The following PKIB variants were observed in gnomAD, a reference collection of about 807,000 sequenced individuals.
PKIB encodes cAMP-dependent protein kinase inhibitor beta.
Under a neutral mutation model 4.5 loss-of-function variants are expected in PKIB, and 2 were observed. That is an observed-to-expected ratio of 0.44 (90% CI 0.18 to 1.39). PKIB has a LOEUF of 1.39. Ranked by LOEUF, PKIB falls within the 40% of genes most tolerant of loss-of-function variation. PKIB has a pLI of 0.27. For missense variants in PKIB, 94 were observed against 92.6 expected, an observed-to-expected ratio of 1.02 and a Z score of -0.06; for synonymous variants, 38 against 36.0, an observed-to-expected ratio of 1.06 and a Z score of -0.20.
chr6:122,473,007 G>A (rs1775349012), intron 1 of PKIB, among the ~76,000 whole-genome samples: 1 of 152,154 alleles, frequency 6.6e-6, no homozygotes, highest in African/African-American at 2.4e-5. Context: ...AGCTACTCGG[G>A]AGGCGAGGCA....
At chr6:122,487,529 A>G (rs140975129) in intron 2 of PKIB, among the ~76,000 whole-genome samples, 2,108 of 152,318 alleles carry the variant, frequency 0.014, 22 homozygotes, top group Non-Finnish European at 0.017. Flanking sequence ...TTATGCTCTT[A>G]TAAAAGAGAC....
chr6:122,662,558 G>A (rs1344662267), intron 2 of PKIB, among the ~76,000 whole-genome samples: 10 of 151,554 alleles, frequency 6.6e-5, no homozygotes, highest in Admixed American at 5.3e-4. Context: ...GACATCAGGC[G>A]ATCCACTTGC....
intron 3 of PKIB, among the ~76,000 whole-genome samples, chr6:122,604,730 T>C (rs1381489443): frequency 6.6e-6 from 1 of 152,224 alleles, no homozygotes; most frequent in Non-Finnish European, 1.5e-5. Flanking sequence ...TTTACTCAGA[T>C]TACACAGCCT....
chr6:122,587,534 A>G (rs1773887741), intron 3 of PKIB, among the ~76,000 whole-genome samples: 1 of 152,188 alleles, frequency 6.6e-6, no homozygotes, highest in Non-Finnish European at 1.5e-5. Context: ...TCCTTTGGGT[A>G]TATACCCAGT....
upstream of PKIB, among the ~76,000 whole-genome samples, chr6:122,606,089 A>C (rs961834494): frequency 6.6e-6 from 1 of 152,198 alleles, no homozygotes; most frequent in Non-Finnish European, 1.5e-5. Flanking sequence ...TAAAGTAAGG[A>C]TCTCCAGGGG....
At chr6:122,664,019 T>C (rs527883738) in intron 2 of PKIB, among the ~76,000 whole-genome samples, 1 of 152,300 alleles carries the variant, frequency 6.6e-6, no homozygotes, top group South Asian at 2.1e-4. Flanking sequence ...ATTTACATAT[T>C]CATGAGGATG....
At chr6:122,499,270 T>C (rs1420610918) in intron 2 of PKIB, among the ~76,000 whole-genome samples, 2 of 152,110 alleles carry the variant, frequency 1.3e-5, no homozygotes, top group African/African-American at 4.8e-5. Flanking sequence ...AAAAACAAAC[T>C]TCATGTCAAT....
In PKIB at chr6:122,544,508, C is replaced by T. The variant is rs1037335263; in HGVS notation, c.-247-41413C>T. ...GAAGTACCCACCTCCCCCTTGCCTG[C>T]ACATGATGCTACCCTGGGGTTCCAA... On this transcript the variant is annotated intron_variant, in intron 2 of 6. Transcript: ENST00000392491. 1.6e-4 allele frequency among the ~76,000 whole-genome samples: 25 copies of T among 152,018 alleles called. 1 individual carries two copies. The highest frequency in any genetic ancestry group is 5.8e-4 in the African/African-American group (24 of 41,350).
intron 2 of PKIB, among the ~76,000 whole-genome samples, chr6:122,584,692 TAAG>T (rs1041920311): frequency 1.3e-5 from 2 of 152,170 alleles, no homozygotes; most frequent in Non-Finnish European, 2.9e-5. Context: ...TTCAATTTAT[TAAG>T]AAAGAATCTT....
rs1278838118 is a variant in PKIB at position 122,690,932 on chromosome 6, A to ATATT, written c.-9+15789_-9+15790insATTT. On this transcript the variant is annotated intron_variant, in intron 3 of 4. Transcript: ENST00000368452. ...GCTTGAAGGATATATATATATATAT[A>ATATT]TTTTTTTTTTTTTTTGCCAAATATA... 2.2e-4 allele frequency among the ~76,000 whole-genome samples: 31 copies of ATATT among 138,768 alleles called. 1 individual carries two copies. Among genetic ancestry groups the ATATT allele is most frequent in the Admixed American group, 4.3e-4 (6 of 13,936 alleles). 91.0% of individuals were successfully genotyped at this position (138,768 alleles called of 152,430 possible).
chr6:122,476,137 C>A (rs1310440954), intron 1 of PKIB, among the ~76,000 whole-genome samples: 1 of 152,032 alleles, frequency 6.6e-6, no homozygotes, highest in East Asian at 1.9e-4. Context: ...ACATCTTGGC[C>A]CCCCCACAGT....
chr6:122,679,865 G>T (rs1179143786), intron 3 of PKIB, among the ~76,000 whole-genome samples: 3 of 152,190 alleles, frequency 2.0e-5, no homozygotes, highest in Non-Finnish European at 4.4e-5. Flanking sequence ...GAACTCCAAA[G>T]AAGTGGAAGC....
chr6:122,686,352 G>A (rs1159853478), intron 3 of PKIB, among the ~76,000 whole-genome samples: 1 of 152,038 alleles, frequency 6.6e-6, no homozygotes, highest in African/African-American at 2.4e-5. Flanking sequence ...TATTTTAACT[G>A]GAGTAGGATG....
intron 2 of PKIB, among the ~76,000 whole-genome samples, chr6:122,651,243 A>G (rs1776540528): frequency 6.6e-6 from 1 of 152,224 alleles, no homozygotes; most frequent in Admixed American, 6.5e-5. Flanking sequence ...TATCCCACAT[A>G]CTTAATATTC....
intron 4 of PKIB, among the ~76,000 whole-genome samples, chr6:122,718,559 A>C (rs1779599487): frequency 6.6e-6 from 1 of 152,138 alleles, no homozygotes; most frequent in Non-Finnish European, 1.5e-5. Context: ...CAAAACCCTG[A>C]ATCAAAGTTA....
chr6:122,593,896 C>A (rs543635406), intron 3 of PKIB, among the ~76,000 whole-genome samples: 11 of 152,258 alleles, frequency 7.2e-5, no homozygotes, highest in Admixed American at 2.6e-4. Context: ...TGGCAACACC[C>A]TCACAGACAC....
intron 1 of PKIB, among the ~76,000 whole-genome samples, chr6:122,622,294 A>G (rs555193210): frequency 1.3e-3 from 64 of 49,698 alleles, no homozygotes; most frequent in African/African-American, 4.4e-3. Flanking sequence ...TAAAAGGAAC[A>G]GCCTTCTTCA....
At chr6:122,696,096 C>G (rs1778559159) in intron 3 of PKIB, among the ~76,000 whole-genome samples, 1 of 152,110 alleles carries the variant, frequency 6.6e-6, no homozygotes, top group South Asian at 2.1e-4. Flanking sequence ...TGCACTTAAT[C>G]TAGAACAAAC....
intron 3 of PKIB, among the ~76,000 whole-genome samples, chr6:122,716,555 G>A (rs1779504929): frequency 6.6e-6 from 1 of 151,994 alleles, no homozygotes; most frequent in African/African-American, 2.4e-5. Flanking sequence ...TCTTTTTTGG[G>A]CAATTCCAAA....
Sources: allele counts gnomAD v4.1 joint callset (sites outside exome capture counted in the v4.1 genomes callset), GRCh38; gene constraint gnomAD v4.1.1; transcripts MANE v1.5; gene names NCBI Gene and HGNC (gene_info 2026-07-23, HGNC 2026-07-21).